The following CACHD1 variants were observed in gnomAD, a reference collection of about 807,000 sequenced individuals.
CACHD1 encodes the protein cache domain containing 1.
CACHD1 carries 71 observed loss-of-function variants against 138.7 expected under a neutral mutation model. That is an observed-to-expected ratio of 0.51 (90% CI 0.42 to 0.62). The LOEUF is 0.62. Ranked by LOEUF, CACHD1 falls within the 20% of genes least tolerant of loss-of-function variation. CACHD1 has a pLI of 0.00. For synonymous variants in CACHD1, 578 were observed against 591.5 expected, an observed-to-expected ratio of 0.98 and a Z score of 0.33; for missense variants, 1,389 against 1,625.3, an observed-to-expected ratio of 0.85 and a Z score of 2.50.
At chr1:64,630,213 A>G (rs12024994) in intron 5 of CACHD1, among the ~76,000 whole-genome samples, 14,528 of 152,102 alleles carry the variant, frequency 0.096, 763 homozygotes, top group East Asian at 0.23. Flanking sequence ...GAGTCTACAC[A>G]ATTACTTTAG....
intron 10 of CACHD1, among the ~76,000 whole-genome samples, chr1:64,652,646 G>T (rs761394629): frequency 3.3e-5 from 5 of 152,094 alleles, no homozygotes; most frequent in African/African-American, 9.7e-5. Flanking sequence ...GAAAACAATC[G>T]CAGTATCCCT....
At chr1:64,680,594 CTGTT>C (rs1484926195) in intron 24 of CACHD1, among the ~76,000 whole-genome samples, 1 of 152,290 alleles carries the variant, frequency 6.6e-6, no homozygotes, top group South Asian at 2.1e-4. Context: ...TATCTGTACT[CTGTT>C]TGCAGGGAAC....
chr1:64,525,522 G>A (rs995904526), intron 1 of CACHD1, among the ~76,000 whole-genome samples: 1 of 152,090 alleles, frequency 6.6e-6, no homozygotes, highest in Non-Finnish European at 1.5e-5. Flanking sequence ...CTCCCACACT[G>A]TATTACTGAT....
At chr1:64,615,869 C>T (rs1023619652) in intron 4 of CACHD1, among the ~76,000 whole-genome samples, 9 of 152,116 alleles carry the variant, frequency 5.9e-5, no homozygotes, top group African/African-American at 1.2e-4. Context: ...ACAATCAGTC[C>T]GTTCCTTCTT....
chr1:64,596,928 G>T (rs1647157900), intron 3 of CACHD1, among the ~76,000 whole-genome samples: 1 of 152,006 alleles, frequency 6.6e-6, no homozygotes, highest in African/African-American at 2.4e-5. Flanking sequence ...TGACACTGTG[G>T]GTGTGATTTT....
intron 1 of CACHD1, among the ~76,000 whole-genome samples, chr1:64,474,173 A>G (rs1378209522): frequency 6.6e-6 from 1 of 152,230 alleles, no homozygotes; most frequent in Non-Finnish European, 1.5e-5. Flanking sequence ...GACAGCAGAC[A>G]TCATACATCA....
chr1:64,550,128 GTAACGAAGGTGATAGA>G (rs1428305697), intron 1 of CACHD1, among the ~76,000 whole-genome samples: 1 of 152,168 alleles, frequency 6.6e-6, no homozygotes, highest in Non-Finnish European at 1.5e-5. Context: ...GGGTACTTGA[GTAACGAAGGTGATAGA>G]TAATATTGGG....
intron 7 of CACHD1, among the ~76,000 whole-genome samples, chr1:64,637,008 G>C (rs1557531888): frequency 3.3e-5 from 5 of 152,104 alleles, no homozygotes. Context: ...CAATATTATG[G>C]GGTGGCTGAG....
At position 64,562,713 on chromosome 1, in the gene CACHD1, G is replaced by T. The variant is rs531396407; in HGVS notation, c.261+12057G>T. ...TGGGATTACAGGAGTGAGCCACTGT[G>T]CCTGGCCCTATTTGTTTCTTTTTAA... On this transcript the variant is annotated intron_variant, in intron 2 of 26. Coordinates refer to ENST00000651257, the MANE Select transcript of CACHD1 (RefSeq NM_020925.4). 1.3e-3 allele frequency among the ~76,000 whole-genome samples: 205 copies of T among 151,930 alleles called. 2 individuals carry two copies. Among genetic ancestry groups the T allele is most frequent in the African/African-American group, 4.8e-3 (200 of 41,430 alleles).
At chr1:64,521,210 C>T (rs1046005656) in intron 1 of CACHD1, among the ~76,000 whole-genome samples, 15 of 152,168 alleles carry the variant, frequency 9.9e-5, no homozygotes, top group African/African-American at 3.6e-4. Flanking sequence ...CAGTTTCCCT[C>T]CTAGCTGTCA....
At chr1:64,486,660 T>G (rs1646245209) in intron 1 of CACHD1, among the ~76,000 whole-genome samples, 2 of 152,204 alleles carry the variant, frequency 1.3e-5, no homozygotes, top group Non-Finnish European at 2.9e-5. Context: ...TTAGGATTTT[T>G]GGGTCAATGT....
At chr1:64,597,537 T>C in intron 3 of CACHD1, among the ~76,000 whole-genome samples, 1 of 141,720 alleles carries the variant, frequency 7.1e-6, no homozygotes, top group East Asian at 2.0e-4. Flanking sequence ...TTTTTTTTTT[T>C]TTTTTTTTTT....
intron 1 of CACHD1, among the ~76,000 whole-genome samples, chr1:64,513,669 A>G (rs1423665770): frequency 6.6e-6 from 1 of 152,024 alleles, no homozygotes; most frequent in African/African-American, 2.4e-5. Context: ...CTTACTTTCT[A>G]GTTTTTTAAT....
intron 1 of CACHD1, among the ~76,000 whole-genome samples, chr1:64,488,221 T>C (rs772489359): frequency 3.9e-5 from 6 of 152,234 alleles, no homozygotes; most frequent in Non-Finnish European, 8.8e-5. Flanking sequence ...TTAAAATCTA[T>C]TCGGGACAGT....
intron 1 of CACHD1, among the ~76,000 whole-genome samples, chr1:64,549,792 T>TTTA (rs1459979595): frequency 2.5e-4 from 36 of 142,292 alleles, no homozygotes; most frequent in African/African-American, 9.5e-4. Context: ...TGCTGCTCTT[T>TTTA]TTATTTTTTT....
At chr1:64,530,111 A>G (rs1317788363) in intron 1 of CACHD1, among the ~76,000 whole-genome samples, 1 of 152,140 alleles carries the variant, frequency 6.6e-6, no homozygotes, top group Non-Finnish European at 1.5e-5. Flanking sequence ...ATAACACAGA[A>G]CCCTTCCTTT....
intron 2 of CACHD1, among the ~76,000 whole-genome samples, chr1:64,581,509 T>G (rs1262976086): frequency 1.3e-5 from 2 of 152,206 alleles, no homozygotes; most frequent in African/African-American, 4.8e-5. Context: ...TGAAAGTAAA[T>G]CATGATGAAG....
intron 1 of CACHD1, among the ~76,000 whole-genome samples, chr1:64,472,523 A>G (rs1646151847): frequency 6.6e-6 from 1 of 152,244 alleles, no homozygotes. Flanking sequence ...TTTGCATAAT[A>G]ATAGATAAGC....
intron 1 of CACHD1, among the ~76,000 whole-genome samples, chr1:64,516,133 TTTAAG>T (rs1344619262): frequency 6.6e-6 from 1 of 152,236 alleles, no homozygotes; most frequent in Admixed American, 6.5e-5. Flanking sequence ...TCAAATTAGT[TTTAAG>T]TTAAGGACAA....
Sources: allele counts gnomAD v4.1 joint callset (sites outside exome capture counted in the v4.1 genomes callset), GRCh38; gene constraint gnomAD v4.1.1; transcripts MANE v1.5; gene names NCBI Gene and HGNC (gene_info 2026-07-23, HGNC 2026-07-21).